SLC25A12: variants seen among roughly 807,000 people sequenced by gnomAD.
SLC25A12 encodes the protein electrogenic aspartate/glutamate antiporter SLC25A12, mitochondrial.
Under a neutral mutation model 83.3 loss-of-function variants are expected in SLC25A12, and 32 were observed. The ratio of observed to expected loss-of-function variants is 0.38; its 90% CI spans 0.29 to 0.52. SLC25A12 has a LOEUF of 0.52. Among genes scored for constraint, SLC25A12 ranks in the 20% least tolerant of loss-of-function variants. The pLI is 0.84. For missense variants in SLC25A12, 611 were observed against 835.6 expected, an observed-to-expected ratio of 0.73 and a Z score of 3.31; for synonymous variants, 267 against 291.1, an observed-to-expected ratio of 0.92 and a Z score of 0.84.
chr2:171,839,669 G>A (rs1684632222), intron 5 of SLC25A12, among the ~76,000 whole-genome samples: 1 of 152,002 alleles, frequency 6.6e-6, no homozygotes, highest in African/African-American at 2.4e-5. Flanking sequence ...AGGAGAAGAT[G>A]GCAACTATAT....
At chr2:171,890,667 G>C (rs897517603) in intron 2 of SLC25A12, among the ~76,000 whole-genome samples, 3 of 152,114 alleles carry the variant, frequency 2.0e-5, no homozygotes, top group African/African-American at 7.2e-5. Context: ...ATTTTTTGCA[G>C]AGACGAGGTC....
chr2:171,824,268 T>C (rs1418832100), intron 9 of SLC25A12, among the ~76,000 whole-genome samples: 1 of 152,156 alleles, frequency 6.6e-6, no homozygotes, highest in Non-Finnish European at 1.5e-5. Flanking sequence ...TTCACAGCAG[T>C]AGCAAAATTA....
intron 15 of SLC25A12, among the ~76,000 whole-genome samples, chr2:171,791,131 A>G (rs961739433): frequency 6.6e-6 from 1 of 152,176 alleles, no homozygotes; most frequent in African/African-American, 2.4e-5. Context: ...TCCCACCTTA[A>G]TGCTTAGCTT....
intron 9 of SLC25A12, among the ~76,000 whole-genome samples, chr2:171,825,168 T>C (rs1015322456): frequency 6.6e-6 from 1 of 152,200 alleles, no homozygotes; most frequent in African/African-American, 2.4e-5. Flanking sequence ...AGAAGCTAAA[T>C]TGCAATGAGT....
Position 171,793,770 on chromosome 2 carries a change from G to A in SLC25A12, c.1306-3C>T, listed in dbSNP as rs1683538108. On this transcript the variant is annotated splice_region_variant and splice_polypyrimidine_tract_variant and intron_variant, in intron 13 of 17. Transcript: ENST00000422440. ...AAAATGACCTGAGAGCCTCCAGCCTGTAGGCAAGGGAGAAGAGACAGGCAG... is the reference window on the plus strand; with the variant it reads ...AAAATGACCTGAGAGCCTCCAGCCTATAGGCAAGGGAGAAGAGACAGGCAG... 6.2e-6 allele frequency: 10 copies of A among 1,614,172 alleles called. No individual in the cohort carries two copies. The highest frequency in any genetic ancestry group is 8.5e-6 in the Non-Finnish European group (10 of 1,180,020).
At chr2:171,894,244 TGA>T, upstream of SLC25A12, 1 of 1,605,936 alleles carries the variant, frequency 6.2e-7, no homozygotes. Flanking sequence ...GACGAGCGAG[TGA>T]GCGAGCAGGG....
intron 2 of SLC25A12, among the ~76,000 whole-genome samples, chr2:171,891,242 T>C (rs1263603344): frequency 6.6e-6 from 1 of 151,356 alleles, no homozygotes; most frequent in Non-Finnish European, 1.5e-5. Flanking sequence ...GAAGTTGCAG[T>C]GAGCCAAGAT....
chr2:171,873,880 A>C (rs1685508002), intron 2 of SLC25A12, among the ~76,000 whole-genome samples: 1 of 152,186 alleles, frequency 6.6e-6, no homozygotes, highest in South Asian at 2.1e-4. Flanking sequence ...AAAGAAATTT[A>C]GCAATATATA....
At chr2:171,832,929 A>G (rs757742270) in intron 8 of SLC25A12, among the ~76,000 whole-genome samples, 33 of 152,214 alleles carry the variant, frequency 2.2e-4, no homozygotes, top group Non-Finnish European at 3.8e-4. Context: ...ATTAGCTGAC[A>G]GGACTTCTAA....
intron 3 of SLC25A12, among the ~76,000 whole-genome samples, chr2:171,867,059 C>A (rs1685340070): frequency 6.6e-6 from 1 of 150,904 alleles, no homozygotes; most frequent in Non-Finnish European, 1.5e-5. Flanking sequence ...AGGCGCTCCC[C>A]ACATCTCAGA....
At chr2:171,795,257 A>G (rs1443080457) in intron 13 of SLC25A12, among the ~76,000 whole-genome samples, 2 of 152,094 alleles carry the variant, frequency 1.3e-5, no homozygotes, top group African/African-American at 4.8e-5. Context: ...AATCCAGACC[A>G]CTGGCACACA....
chr2:171,804,768 G>T (rs1683787811), intron 13 of SLC25A12, among the ~76,000 whole-genome samples: 1 of 152,116 alleles, frequency 6.6e-6, no homozygotes, highest in Non-Finnish European at 1.5e-5. Flanking sequence ...ATTAGCTGAG[G>T]GTGGTGGCAC....
Position 171,866,791 on chromosome 2 carries a change from G to C in SLC25A12, c.209+1890C>G, listed in dbSNP as rs1454685594. On this transcript the variant is annotated intron_variant, in intron 3 of 17. Transcript: ENST00000422440. ...GACCCCCCCCACCTCCCTCCCGGAC[G>C]GGGCGGCTGGCCTGGCGGGGGCTGA... Among the ~76,000 whole-genome samples, 7 of 142,110 alleles carry C rather than the reference G, an allele frequency of 4.9e-5. No individual in the cohort carries two copies. In the East Asian group the frequency reaches 6.5e-4, roughly 13 times the overall value. The allele number at this position is 142,110 out of a possible 152,430, so 93.2% of individuals were successfully genotyped here. A position where few individuals can be genotyped will look rare whatever the true frequency, so the allele number is the denominator to read the frequency against.
rs773967179 is a variant in SLC25A12 at position 171,876,543 on chromosome 2, T to TG, written c.67-7721dup. ...ATCAGGGGTTTGGGTTTTTTTTTTT[T>TG]GGGGGGGGGGGGACTCAAGTGATCC... On this transcript the variant is annotated intron_variant, in intron 2 of 17. Transcript: ENST00000422440. Among the ~76,000 whole-genome samples the TG allele has an allele frequency of 9.6e-3, 283 of 29,564 alleles. 10 individuals carry two copies. Among genetic ancestry groups the TG allele is most frequent in the East Asian group, 0.025 (11 of 434 alleles). 19.4% of individuals were successfully genotyped at this position (29,564 alleles called of 152,430 possible). A position where few individuals can be genotyped will look rare whatever the true frequency, so the allele number is the denominator to read the frequency against.
At chr2:171,825,137 A>G (rs1448966971) in intron 9 of SLC25A12, among the ~76,000 whole-genome samples, 1 of 152,180 alleles carries the variant, frequency 6.6e-6, no homozygotes, top group Non-Finnish European at 1.5e-5. Flanking sequence ...GCAGCAGATA[A>G]AAGAGTTTTT....
In SLC25A12 at chr2:171,787,598, C is replaced by A. The variant is rs375819100; in HGVS notation, c.1808G>T (p.Arg603Leu). 6 of 1,614,050 alleles carry A rather than the reference C, an allele frequency of 3.7e-6. No homozygotes were observed. The East Asian group carries it at 6.7e-5, about 18-fold the overall frequency. ...GCCTCCAAAATCAATGTAAAACCAC[C>A]GCTGGAGAAGTTCATAAGTGACCAA... ...VTLVTYELLQRWFYIDFGGLK... is the reference protein window; with the variant it reads ...VTLVTYELLQLWFYIDFGGLK... The change falls in exon 17 of 18, where the codon CGG (arginine) becomes CTG (leucine). Residue 603 changes from arginine (R) to leucine (L), a missense_variant. Around this residue, in one of 3 missense-constraint regions of SLC25A12, gnomAD observed 540 missense variants for 777.5 expected, o/e 0.69. Coordinates refer to ENST00000422440, the MANE Select transcript of SLC25A12 (RefSeq NM_003705.5).
intron 6 of SLC25A12, among the ~76,000 whole-genome samples, chr2:171,836,350 C>T: frequency 6.6e-6 from 1 of 152,188 alleles, no homozygotes; most frequent in Non-Finnish European, 1.5e-5. Context: ...AAAACTTATA[C>T]ATAAGTACAA....
chr2:171,818,181 T>C (rs898445833), intron 9 of SLC25A12, among the ~76,000 whole-genome samples: 1 of 152,194 alleles, frequency 6.6e-6, no homozygotes, highest in Non-Finnish European at 1.5e-5. Flanking sequence ...TCCCTATTAA[T>C]GACTGTGTCC....
chr2:171,877,938 A>G (rs981525996), intron 2 of SLC25A12, among the ~76,000 whole-genome samples: 6 of 152,208 alleles, frequency 3.9e-5, no homozygotes, highest in Non-Finnish European at 8.8e-5. Flanking sequence ...TGTTGTGACT[A>G]GAAAACTGGT....
Sources: allele counts gnomAD v4.1 joint callset (sites outside exome capture counted in the v4.1 genomes callset), GRCh38; gene constraint gnomAD v4.1.1; regional missense constraint gnomAD v4.1.1; transcripts MANE v1.5; gene names NCBI Gene and HGNC (gene_info 2026-07-23, HGNC 2026-07-21).